The following SLC25A31 variants were observed in gnomAD, a reference collection of about 807,000 sequenced individuals.
The protein encoded by SLC25A31 is ADP/ATP translocase 4.
In SLC25A31, 40 loss-of-function variants were observed where a neutral mutation model predicts 36.2. The ratio of observed to expected loss-of-function variants is 1.10; its 90% CI spans 0.86 to 1.44. The LOEUF is 1.44. Among genes scored for constraint, SLC25A31 ranks in the 40% most tolerant of loss-of-function variants. The probability of loss-of-function intolerance (pLI) is 0.00; values close to 1 mark genes in which losing one functional copy is unlikely to be tolerated. For missense variants in SLC25A31, 350 were observed against 397.1 expected (o/e 0.88, Z 1.01); for synonymous variants, 143 against 149.7 (o/e 0.96, Z 0.32).
intron 2 of SLC25A31, among the ~76,000 whole-genome samples, chr4:127,759,950 G>A (rs146368253): frequency 4.6e-5 from 7 of 152,254 alleles, no homozygotes; most frequent in African/African-American, 1.4e-4. Flanking sequence ...TTGAGATGAT[G>A]AAATTATAGT....
intron 1 of SLC25A31, among the ~76,000 whole-genome samples, chr4:127,732,675 T>C (rs907484385): frequency 2.6e-5 from 4 of 152,178 alleles, no homozygotes; most frequent in African/African-American, 9.7e-5. Context: ...GATATCATTC[T>C]CAGATGTATC....
At chr4:127,755,465 T>C (rs1732011886) in intron 2 of SLC25A31, among the ~76,000 whole-genome samples, 1 of 152,144 alleles carries the variant, frequency 6.6e-6, no homozygotes, top group Non-Finnish European at 1.5e-5. Context: ...ATGACCTGAT[T>C]AGAAAATGTA....
chr4:127,738,583 C>G (rs927007738), intron 1 of SLC25A31, among the ~76,000 whole-genome samples: 1 of 152,094 alleles, frequency 6.6e-6, no homozygotes, highest in African/African-American at 2.4e-5. Context: ...ATGTAATTCT[C>G]TGGTTGTTGG....
chr4:127,748,322 A>G (rs1361608597), intron 2 of SLC25A31, among the ~76,000 whole-genome samples: 1 of 152,082 alleles, frequency 6.6e-6, no homozygotes, highest in Non-Finnish European at 1.5e-5. Flanking sequence ...CTCACCCAGC[A>G]ACCCACCAGG....
At chr4:127,743,985 G>A (rs1317914400) in intron 1 of SLC25A31, among the ~76,000 whole-genome samples, 1 of 152,188 alleles carries the variant, frequency 6.6e-6, no homozygotes, top group Non-Finnish European at 1.5e-5. Flanking sequence ...GAGCTAGCCT[G>A]CCATGCTCTA....
chr4:127,766,978 A>C, intron 3 of SLC25A31, 88 bp from the exon 4 acceptor site: 1 of 1,142,770 alleles, frequency 8.8e-7, no homozygotes, highest in Non-Finnish European at 1.2e-6. Context: ...GGAATTTCAG[A>C]TCATTTAGAT....
At chr4:127,772,774 C>CTT (rs1242183961) in intron 5 of SLC25A31, among the ~76,000 whole-genome samples, 1 of 138,348 alleles carries the variant, frequency 7.2e-6, no homozygotes. Context: ...CATATGATTT[C>CTT]TTTTTTTTTT....
Position 127,740,000 on chromosome 4 carries a change from C to T in SLC25A31, c.233-4672C>T, listed in dbSNP as rs938800003. Among the ~76,000 whole-genome samples the T allele has an allele frequency of 8.6e-5, 13 of 151,984 alleles. No homozygotes were observed. The East Asian group carries it at 9.6e-4, about 11-fold the overall frequency. ...TACTCTAGAAGTTTGTGTCTATTTT[C>T]AACCTTCTTTTAGATCTTATTGAGC... On this transcript the variant is annotated intron_variant, in intron 1 of 5. Coordinates refer to ENST00000281154, the MANE Select transcript of SLC25A31 (RefSeq NM_031291.4).
At chr4:127,763,776 G>A (rs901338789) in intron 2 of SLC25A31, among the ~76,000 whole-genome samples, 1 of 152,140 alleles carries the variant, frequency 6.6e-6, no homozygotes, top group African/African-American at 2.4e-5. Context: ...TTTTAGGTTG[G>A]TGCAAAAAGT....
chr4:127,753,456 ATC>A, intron 2 of SLC25A31, among the ~76,000 whole-genome samples: 1 of 152,302 alleles, frequency 6.6e-6, no homozygotes, highest in African/African-American at 2.4e-5. Flanking sequence ...TCTCATATAA[ATC>A]AGAAGTGAAA....
chr4:127,744,629 T>C (rs550613388), intron 1 of SLC25A31, 43 bp from the exon 2 acceptor site: 2 of 1,513,176 alleles, frequency 1.3e-6, no homozygotes, highest in Non-Finnish European at 1.8e-6. Flanking sequence ...AATTGTTTAA[T>C]AATACAATGT....
chr4:127,773,631 T>C lies in SLC25A31; in HGVS notation c.*57T>C, dbSNP rs1732412009. On this transcript the variant is annotated 3_prime_UTR_variant, in exon 6 of 6. Transcript: ENST00000281154. ...TAACTTGTTAAACATACAAATTACA[T>C]AGCTGCCATTTGCATACATTTTGAT... is the stretch of plus-strand genomic sequence containing the variant. The C allele has an allele frequency of 1.1e-5, 15 of 1,345,846 alleles. No individual in the cohort carries two copies. The highest frequency in any genetic ancestry group is 1.5e-5 in the Non-Finnish European group (15 of 1,001,876). 83.4% of individuals were successfully genotyped at this position (1,345,846 alleles called of 1,614,324 possible).
chr4:127,733,673 A>G (rs1731571949), intron 1 of SLC25A31, among the ~76,000 whole-genome samples: 1 of 152,128 alleles, frequency 6.6e-6, no homozygotes, highest in African/African-American at 2.4e-5. Context: ...ATTTCTTGCA[A>G]TTTGCCTTCT....
intron 2 of SLC25A31, among the ~76,000 whole-genome samples, chr4:127,750,409 C>T (rs1578662167): frequency 6.6e-6 from 1 of 152,112 alleles, no homozygotes; most frequent in East Asian, 1.9e-4. Context: ...CTCCTTGACT[C>T]ATGATGGGAT....
rs528956843 is a variant in SLC25A31, at chr4:127,740,033, C to T, written c.233-4639C>T. ...TTTTAGATCTTATTGAGCTTCCTTGCAATTCATGCTTTGAATTCTTAGTCA... is the reference window on the plus strand; with the variant it reads ...TTTTAGATCTTATTGAGCTTCCTTGTAATTCATGCTTTGAATTCTTAGTCA... On this transcript the variant is annotated intron_variant, in intron 1 of 5. Coordinates refer to ENST00000281154, the MANE Select transcript of SLC25A31 (RefSeq NM_031291.4). 5.3e-5 allele frequency among the ~76,000 whole-genome samples: 8 copies of T among 152,072 alleles called. No individual in the cohort carries two copies. The South Asian group carries it at 1.7e-3, about 32-fold the overall frequency.
intron 2 of SLC25A31, among the ~76,000 whole-genome samples, chr4:127,760,198 A>C (rs146166111): frequency 1.0e-3 from 152 of 152,318 alleles, no homozygotes; most frequent in African/African-American, 3.6e-3. Context: ...TAATTCGTTG[A>C]AGGATTTATA....
chr4:127,732,275 A>T (rs1012343303), intron 1 of SLC25A31, among the ~76,000 whole-genome samples: 2 of 152,206 alleles, frequency 1.3e-5, no homozygotes, highest in Non-Finnish European at 2.9e-5. Flanking sequence ...GTACCCTAGG[A>T]ATGCTAGGGA....
In SLC25A31 at chr4:127,730,416, C is replaced by T. The variant is rs902003879; in HGVS notation, c.-130C>T. 6 of 1,026,998 alleles carry T rather than the reference C, an allele frequency of 5.8e-6. No homozygotes were observed. The African/African-American group carries it at 8.1e-5, about 14-fold the overall frequency. The allele number at this position is 1,026,998 out of a possible 1,614,324, so 63.6% of individuals were successfully genotyped here. ...ACGCGCCTCGCCGGCGCGCGGCTCT[C>T]TCAGCGTCCCAAGAGCCACTTTCTC... On this transcript the variant is annotated 5_prime_UTR_variant, in exon 1 of 6. Coordinates refer to ENST00000281154, the MANE Select transcript of SLC25A31 (RefSeq NM_031291.4).
intron 3 of SLC25A31, among the ~76,000 whole-genome samples, chr4:127,765,977 A>G (rs1732233234): frequency 6.6e-6 from 1 of 152,114 alleles, no homozygotes; most frequent in African/African-American, 2.4e-5. Flanking sequence ...TTGTACATAT[A>G]TAATAGTTTT....
Sources: allele counts gnomAD v4.1 joint callset (sites outside exome capture counted in the v4.1 genomes callset), GRCh38; gene constraint gnomAD v4.1.1; transcripts MANE v1.5; gene names NCBI Gene and HGNC (gene_info 2026-07-23, HGNC 2026-07-21).